Variants in SCD5 observed in about 807,000 individuals in gnomAD.
SCD5 encodes the protein acyl-CoA-desaturase 4.
Under a neutral mutation model 30.4 loss-of-function variants are expected in SCD5, and 20 were observed. That is an observed-to-expected ratio of 0.66 (90% CI 0.46 to 0.96). The LOEUF (loss-of-function observed/expected upper bound fraction) is 0.96, where lower values mean the gene tolerates loss of function less well. SCD5 is among the 40% of genes least tolerant of loss of function. The pLI, the probability that SCD5 is intolerant of heterozygous loss-of-function variation, is 0.00. For synonymous variants in SCD5, 173 were observed against 176.4 expected (o/e 0.98, Z 0.16); for missense variants, 381 against 443.3 (o/e 0.86, Z 1.26).
chr4:82,725,211 T>G (rs542173866), intron 1 of SCD5, among the ~76,000 whole-genome samples: 48 of 152,314 alleles, frequency 3.2e-4, no homozygotes, highest in African/African-American at 1.1e-3. Flanking sequence ...AATAAACCTT[T>G]CCAGCTGATG....
chr4:82,636,594 T>A lies in SCD5; in HGVS notation c.799A>T (p.Ile267Phe). The change falls in exon 4 of 5, where the codon ATT (isoleucine) becomes TTT (phenylalanine). Residue 267 changes from isoleucine to phenylalanine, a missense_variant. Physicochemically the swap from Ile to Phe is conservative, Grantham distance 21. Transcript: ENST00000319540. The stretch of plus-strand genomic sequence containing the variant: ...GGCCCTCAACACCCCTACTCACCAA[T>A]GGCACCCAGAGCGACGAGTGGGTTC... ...RQNPLVALGAIGEGFHNYHHT... is the reference protein window; with the variant it reads ...RQNPLVALGAFGEGFHNYHHT... The A allele has an allele frequency of 1.9e-6, 3 of 1,613,092 alleles. No homozygotes were observed. Among genetic ancestry groups the A allele is most frequent in the African/African-American group, 1.3e-5 (1 of 75,032 alleles).
chr4:82,708,744 T>C (rs7698751), intron 1 of SCD5, among the ~76,000 whole-genome samples: 143,507 of 152,220 alleles, frequency 0.94, 67,771 homozygotes, highest in East Asian at 1. Context: ...TAGAGGAATG[T>C]TAAAAAGCAA....
intron 3 of SCD5, among the ~76,000 whole-genome samples, chr4:82,679,234 A>AAGAAAGAGAGAGAGAG (rs1335159755): frequency 3.1e-5 from 3 of 96,374 alleles, no homozygotes; most frequent in Non-Finnish European, 4.2e-5. Context: ...GAAAGAAAGA[A>AAGAAAGAGAGAGAGAG]AGAAAGAAAG....
chr4:82,660,779 G>A (rs1727982880), intron 3 of SCD5: 2 of 1,588,248 alleles, frequency 1.3e-6, no homozygotes, highest in Non-Finnish European at 8.6e-7. Context: ...CTCTGTCTAT[G>A]CTTCACACCG....
At chr4:82,757,727 T>C (rs1274206082) in intron 1 of SCD5, among the ~76,000 whole-genome samples, 3 of 152,174 alleles carry the variant, frequency 2.0e-5, no homozygotes, top group Admixed American at 1.3e-4. Context: ...ATGGGGATGA[T>C]TTTAGTACCT....
chr4:82,686,109 G>A (rs1042229680), intron 2 of SCD5, among the ~76,000 whole-genome samples: 3 of 151,958 alleles, frequency 2.0e-5, no homozygotes, highest in East Asian at 1.9e-4. Flanking sequence ...GGGCTCAAGC[G>A]ATTCTCCCAT....
At chr4:82,637,763 G>C (rs1163600455) in intron 3 of SCD5, among the ~76,000 whole-genome samples, 3 of 152,252 alleles carry the variant, frequency 2.0e-5, no homozygotes, top group Non-Finnish European at 4.4e-5. Context: ...TGCAGGCACA[G>C]TGTGAGGGCA....
At chr4:82,760,503 C>G (rs907353878) in intron 1 of SCD5, among the ~76,000 whole-genome samples, 2 of 152,200 alleles carry the variant, frequency 1.3e-5, no homozygotes, top group Non-Finnish European at 2.9e-5. Context: ...TCAAGTGACT[C>G]TCCCACCTCA....
chr4:82,685,060 TC>T (rs1335359734), intron 2 of SCD5, among the ~76,000 whole-genome samples: 3 of 152,228 alleles, frequency 2.0e-5, no homozygotes, highest in African/African-American at 7.2e-5. Flanking sequence ...AATTGTAGGT[TC>T]CAGTAGATCA....
chr4:82,742,057 A>G (rs1238289867), intron 1 of SCD5, among the ~76,000 whole-genome samples: 3 of 149,028 alleles, frequency 2.0e-5, no homozygotes, highest in Non-Finnish European at 4.4e-5. Flanking sequence ...TCCAGCCTGG[A>G]TGACAGAAGA....
At chr4:82,638,091 C>T (rs1400881903) in intron 3 of SCD5, among the ~76,000 whole-genome samples, 1 of 152,062 alleles carries the variant, frequency 6.6e-6, no homozygotes, top group East Asian at 1.9e-4. Context: ...TGAGAACATG[C>T]GGTGTTTGGT....
intron 1 of SCD5, among the ~76,000 whole-genome samples, chr4:82,764,275 G>A (rs1040143341): frequency 6.6e-6 from 1 of 152,226 alleles, no homozygotes; most frequent in Non-Finnish European, 1.5e-5. Context: ...AAGAACAGTT[G>A]CATCATCACA....
chr4:82,676,596 G>C lies in SCD5; in HGVS notation c.569+4111C>G, dbSNP rs1037568726. 2.0e-5 allele frequency among the ~76,000 whole-genome samples: 3 copies of C among 152,248 alleles called. No individual in the cohort carries two copies. The South Asian group carries it at 6.2e-4, about 31-fold the overall frequency. ...GGAGAACAGATCCCAGGAGGAGACT[G>C]CTATAGGCTCTAGAAGAGAGCTCAG... On this transcript the variant is annotated intron_variant, in intron 3 of 4. Transcript: ENST00000319540.
chr4:82,725,148 T>C (rs1720444485), intron 1 of SCD5, among the ~76,000 whole-genome samples: 1 of 152,206 alleles, frequency 6.6e-6, no homozygotes, highest in Non-Finnish European at 1.5e-5. Flanking sequence ...TCCCATAATC[T>C]ATATCCTCGG....
intron 3 of SCD5, among the ~76,000 whole-genome samples, chr4:82,665,074 ATATTT>A (rs755017212): frequency 1.8e-4 from 14 of 79,636 alleles, no homozygotes; most frequent in African/African-American, 8.4e-4. Flanking sequence ...ATATATATAT[ATATTT>A]TTTTTTTAAT....
chr4:82,757,480 G>A (rs532944507), intron 1 of SCD5, among the ~76,000 whole-genome samples: 14 of 152,304 alleles, frequency 9.2e-5, no homozygotes, highest in Middle Eastern at 3.4e-3. Context: ...CCGTGAGGGA[G>A]GTCTTTCTAT....
chr4:82,796,402 G>T (rs1397689020), intron 1 of SCD5, among the ~76,000 whole-genome samples: 1 of 152,156 alleles, frequency 6.6e-6, no homozygotes, highest in African/African-American at 2.4e-5. Context: ...ACTTCTCTAA[G>T]GAAGCTAGAG....
intron 1 of SCD5, among the ~76,000 whole-genome samples, chr4:82,757,160 C>G (rs1721250469): frequency 6.6e-6 from 1 of 152,198 alleles, no homozygotes; most frequent in African/African-American, 2.4e-5. Context: ...TCTCCTCTCC[C>G]ATCTCCTTTC....
intron 1 of SCD5, among the ~76,000 whole-genome samples, chr4:82,707,112 G>T (rs1719986846): frequency 6.6e-6 from 1 of 152,148 alleles, no homozygotes; most frequent in Non-Finnish European, 1.5e-5. Flanking sequence ...TGTTCAGTTG[G>T]ATGCTTACTA....
Sources: gnomAD v4.1 joint callset for allele counts (sites outside exome capture counted in the v4.1 genomes callset) on GRCh38, gnomAD v4.1.1 for gene constraint, MANE v1.5 for transcripts, NCBI Gene and HGNC (gene_info 2026-07-23, HGNC 2026-07-21) for gene names.